The following CC2D2A variants were observed in gnomAD, a reference collection of about 807,000 sequenced individuals.
CC2D2A encodes coiled-coil and C2 domain containing 2A, also known as coiled-coil and C2 domain-containing protein 2A.
Under a neutral mutation model 212.9 loss-of-function variants are expected in CC2D2A, and 155 were observed. The observed-to-expected ratio is 0.73, with a 90% CI of 0.64 to 0.83. CC2D2A has a LOEUF of 0.83. Among genes scored for constraint, CC2D2A ranks in the 40% least tolerant of loss-of-function variants. The pLI, the probability that CC2D2A is intolerant of heterozygous loss-of-function variation, is 0.00. For missense variants in CC2D2A, 1,856 were observed against 1,956.2 expected (o/e 0.95, Z 0.97); for synonymous variants, 667 against 686.5 (o/e 0.97, Z 0.44).
At chr4:15,541,074 G>C (rs540063216) in intron 17 of CC2D2A, 60 bp downstream of exon 17, 107 of 1,353,556 alleles carry the variant, frequency 7.9e-5, no homozygotes, top group Admixed American at 1.0e-4. Flanking sequence ...TACTTTGGGA[G>C]GCCAAGGTGG....
intron 9 of CC2D2A, among the ~76,000 whole-genome samples, chr4:15,515,571 T>C (rs1366403422): frequency 6.6e-6 from 1 of 152,158 alleles, no homozygotes; most frequent in Non-Finnish European, 1.5e-5. Context: ...TGAAGAGTAA[T>C]AGAACTAAAA....
At position 15,557,502 on chromosome 4, in the gene CC2D2A, T is replaced by C; in HGVS notation, c.2824T>C (p.Phe942Leu). The change falls in exon 21 of 37, where the codon TTC (phenylalanine) becomes CTC (leucine). Residue 942 changes from phenylalanine (F) to leucine (L), a missense_variant. Coordinates refer to ENST00000424120, the MANE Select transcript of CC2D2A (RefSeq NM_001378615.1). ...TGACCGAGAAATTATGGAAAAGGTATTCCAGGTAAGAAACTGCCATAGAGG... is the reference window on the plus strand; with the variant it reads ...TGACCGAGAAATTATGGAAAAGGTACTCCAGGTAAGAAACTGCCATAGAGG... ...VYDREIMEKV[F>L]QDYEKRLRDR... is the part of the protein sequence containing the mutation. 2 of 1,598,858 alleles carry C rather than the reference T, an allele frequency of 1.3e-6. No individual in the cohort carries two copies. The highest frequency in any genetic ancestry group is 8.5e-7 in the Non-Finnish European group (1 of 1,172,438).
chr4:15,544,901 A>G (rs1039451481), intron 17 of CC2D2A, among the ~76,000 whole-genome samples: 1 of 152,240 alleles, frequency 6.6e-6, no homozygotes, highest in Non-Finnish European at 1.5e-5. Context: ...AATATTATCC[A>G]GAATATATTC....
intron 33 of CC2D2A, among the ~76,000 whole-genome samples, chr4:15,593,429 T>G (rs767997874): frequency 6.6e-6 from 1 of 152,188 alleles, no homozygotes; most frequent in African/African-American, 2.4e-5. Context: ...TCATCAAACC[T>G]CTTTTCTACC....
At chr4:15,597,689 C>T (rs1421833358) in intron 35 of CC2D2A, among the ~76,000 whole-genome samples, 3 of 152,202 alleles carry the variant, frequency 2.0e-5, no homozygotes, top group South Asian at 2.1e-4. Flanking sequence ...ACCAGTAATA[C>T]GTACTTCTAC....
chr4:15,488,848 A>T (rs1390822338), intron 4 of CC2D2A, among the ~76,000 whole-genome samples: 1 of 152,240 alleles, frequency 6.6e-6, no homozygotes, highest in Non-Finnish European at 1.5e-5. Flanking sequence ...AATGAACCGC[A>T]CCAGAAACCC....
chr4:15,523,964 T>C (rs1270028051), intron 11 of CC2D2A, among the ~76,000 whole-genome samples: 1 of 152,176 alleles, frequency 6.6e-6, no homozygotes, highest in Non-Finnish European at 1.5e-5. Context: ...AAACATGGCA[T>C]GTTTCCAGAA....
chr4:15,556,551 T>C (rs1172844220), intron 20 of CC2D2A, among the ~76,000 whole-genome samples: 3 of 152,228 alleles, frequency 2.0e-5, no homozygotes, highest in Admixed American at 6.5e-5. Flanking sequence ...AAAACGGGGA[T>C]TGCCTTCTTG....
At chr4:15,482,882 C>A (rs1422754979) in intron 4 of CC2D2A, among the ~76,000 whole-genome samples, 1 of 152,100 alleles carries the variant, frequency 6.6e-6, no homozygotes, top group Non-Finnish European at 1.5e-5. Context: ...TGCATTAGTC[C>A]CTTCCCCCAC....
At chr4:15,472,732 C>A (rs766279682) in intron 1 of CC2D2A, among the ~76,000 whole-genome samples, 60 of 151,820 alleles carry the variant, frequency 4.0e-4, no homozygotes, top group Non-Finnish European at 6.9e-4. Flanking sequence ...TTATTATCTG[C>A]CCCCTCATTC....
At chr4:15,543,221 AT>A (rs1560174412) in intron 17 of CC2D2A, among the ~76,000 whole-genome samples, 2 of 152,080 alleles carry the variant, frequency 1.3e-5, no homozygotes, top group African/African-American at 2.4e-5. Context: ...CATAGCTGAA[AT>A]TTTTTTCTTG....
chr4:15,578,804 G>C (rs1382551970), intron 29 of CC2D2A, among the ~76,000 whole-genome samples: 1 of 105,594 alleles, frequency 9.5e-6, no homozygotes, highest in Admixed American at 8.7e-5. Flanking sequence ...TTGTTTGTTT[G>C]TTTGTTTGTT....
chr4:15,489,041 AC>A (rs1715160490), intron 4 of CC2D2A, among the ~76,000 whole-genome samples: 1 of 152,230 alleles, frequency 6.6e-6, no homozygotes, highest in African/African-American at 2.4e-5. Flanking sequence ...TAACTATCAC[AC>A]ATTAAGTAGT....
chr4:15,516,705 A>T lies in CC2D2A; in HGVS notation c.1098A>T (p.Val366=). 8 of 1,613,568 alleles carry T rather than the reference A, an allele frequency of 5.0e-6. No homozygotes were observed. Among genetic ancestry groups the T allele is most frequent in the Non-Finnish European group, 6.8e-6 (8 of 1,179,682 alleles). ...PIKPFPSRPP[V]LTQEQSIKAE... is the part of the protein sequence containing the mutation. ...AGCCATTTCCTTCAAGGCCGCCAGTACTAACACAGGAGCAGAGCATTAAGG... is the reference window on the plus strand; with the variant it reads ...AGCCATTTCCTTCAAGGCCGCCAGTTCTAACACAGGAGCAGAGCATTAAGG... The change falls in exon 11 of 37, where the codon GTA becomes GTT. Residue 366 remains valine, a synonymous_variant. Coordinates refer to ENST00000424120, the MANE Select transcript of CC2D2A (RefSeq NM_001378615.1).
At chr4:15,584,626 C>G (rs1007878851) in intron 30 of CC2D2A, among the ~76,000 whole-genome samples, 2 of 151,874 alleles carry the variant, frequency 1.3e-5, no homozygotes, top group Non-Finnish European at 2.9e-5. Flanking sequence ...GCACAGGCAA[C>G]AAAAGCAAAA....
chr4:15,563,949 TG>T (rs1435431976), intron 24 of CC2D2A: 1 of 174,144 alleles, frequency 5.7e-6, no homozygotes, highest in Non-Finnish European at 1.2e-5. Context: ...TGTTGATCCA[TG>T]GTCTAATCGC....
intron 11 of CC2D2A, among the ~76,000 whole-genome samples, chr4:15,524,364 C>T (rs1717378815): frequency 6.6e-6 from 1 of 151,998 alleles, no homozygotes; most frequent in Non-Finnish European, 1.5e-5. Flanking sequence ...AATTCCTGAC[C>T]TCGTGATCCA....
At chr4:15,587,994 ATC>A in intron 32 of CC2D2A, 65 bp downstream of exon 32, 3 of 865,986 alleles carry the variant, frequency 3.5e-6, no homozygotes, top group Non-Finnish European at 5.6e-6. Context: ...TGTGTTCCAG[ATC>A]ACACACAGGA....
chr4:15,492,859 TG>T, intron 4 of CC2D2A: 1 of 583,994 alleles, frequency 1.7e-6, no homozygotes, highest in Non-Finnish European at 3.3e-6. Flanking sequence ...GGTGGAAGAG[TG>T]GGTGTCACTG....
Sources: allele counts gnomAD v4.1 joint callset (sites outside exome capture counted in the v4.1 genomes callset), GRCh38; gene constraint gnomAD v4.1.1; transcripts MANE v1.5; gene names NCBI Gene and HGNC (gene_info 2026-07-23, HGNC 2026-07-21).